Variants in BTBD9 observed in about 807,000 individuals in gnomAD.
The protein encoded by BTBD9 is BTB/POZ domain-containing protein 9.
A neutral mutation model predicts 64.3 loss-of-function variants in BTBD9; 49 were observed. That is an observed-to-expected ratio of 0.76 (90% CI 0.61 to 0.97). The LOEUF is 0.97. BTBD9 is among the 50% of genes least tolerant of loss of function. The probability of loss-of-function intolerance (pLI) is 0.00; values close to 1 mark genes in which losing one functional copy is unlikely to be tolerated. For missense variants in BTBD9, 598 were observed against 762.1 expected, an observed-to-expected ratio of 0.78 and a Z score of 2.53; for synonymous variants, 260 against 274.7, an observed-to-expected ratio of 0.95 and a Z score of 0.53.
intron 7 of BTBD9, among the ~76,000 whole-genome samples, chr6:38,298,987 C>T (rs1055825641): frequency 3.3e-5 from 5 of 151,962 alleles, no homozygotes; most frequent in African/African-American, 4.8e-5. Flanking sequence ...GGTATACCTC[C>T]GAATGCTATC....
intron 8 of BTBD9, among the ~76,000 whole-genome samples, chr6:38,273,088 A>G (rs1282577641): frequency 6.6e-6 from 1 of 152,208 alleles, no homozygotes; most frequent in East Asian, 1.9e-4. Flanking sequence ...CAAAGGGTGT[A>G]TAGGACATGG....
At chr6:38,474,485 T>C (rs989556068) in intron 6 of BTBD9, among the ~76,000 whole-genome samples, 1 of 151,730 alleles carries the variant, frequency 6.6e-6, no homozygotes, top group Non-Finnish European at 1.5e-5. Flanking sequence ...ATGGCACCAC[T>C]GCACTACAGC....
At position 38,495,953 on chromosome 6, in the gene BTBD9, C is replaced by A. The variant is rs6458057; in HGVS notation, c.1154+81647G>T. ...GTAAGAAATGGTATGGGAGTCATAT[C>A]AGAATCCTTTGGAGAGAAGAGATGG... On this transcript the variant is annotated intron_variant, in intron 6 of 10. Coordinates refer to ENST00000481247, the MANE Select transcript of BTBD9 (RefSeq NM_001099272.2). Among the ~76,000 whole-genome samples the A allele has an allele frequency of 4.5e-3, 679 of 152,278 alleles. 3 individuals are homozygous for A. The highest frequency in any genetic ancestry group is 0.015 in the African/African-American group (639 of 41,544).
chr6:38,553,540 A>G (rs1319838199), intron 6 of BTBD9, among the ~76,000 whole-genome samples: 1 of 152,196 alleles, frequency 6.6e-6, no homozygotes, highest in Non-Finnish European at 1.5e-5. Context: ...ACCTCTCTAA[A>G]AGATCAAGAG....
At chr6:38,500,056 T>C (rs1011950049) in intron 6 of BTBD9, among the ~76,000 whole-genome samples, 51 of 152,172 alleles carry the variant, frequency 3.4e-4, no homozygotes, top group Non-Finnish European at 6.5e-4. Context: ...TCTGCTAACC[T>C]TCCCCTCACA....
At chr6:38,263,373 C>T (rs1261300282) in intron 8 of BTBD9, among the ~76,000 whole-genome samples, 3 of 152,182 alleles carry the variant, frequency 2.0e-5, no homozygotes, top group Admixed American at 2.0e-4. Context: ...ATAGCATATG[C>T]AGAGGTTTTT....
intron 6 of BTBD9, among the ~76,000 whole-genome samples, chr6:38,567,969 A>G (rs1221834707): frequency 1.3e-5 from 2 of 152,212 alleles, no homozygotes; most frequent in African/African-American, 2.4e-5. Flanking sequence ...CAGGGATTTT[A>G]GAGAGCTAAA....
rs140646064 is a variant in BTBD9 at position 38,527,834 on chromosome 6, T to C, written c.1154+49766A>G. Reference sequence around the variant, plus strand: ...TTTTTTTAATCATGACAAATCACTCTCATGAAAATCAGAAATAGGAAGGCA... The same window carrying C: ...TTTTTTTAATCATGACAAATCACTCCCATGAAAATCAGAAATAGGAAGGCA... On this transcript the variant is annotated intron_variant, in intron 6 of 10. Coordinates refer to ENST00000481247, the MANE Select transcript of BTBD9 (RefSeq NM_001099272.2). Among the ~76,000 whole-genome samples, 972 of 150,424 alleles carry C rather than the reference T, an allele frequency of 6.5e-3. 3 individuals carry two copies. The highest frequency in any genetic ancestry group is 0.011 in the Non-Finnish European group (761 of 67,956).
intron 6 of BTBD9, among the ~76,000 whole-genome samples, chr6:38,483,332 T>C (rs1771249345): frequency 1.3e-5 from 2 of 151,910 alleles, no homozygotes; most frequent in African/African-American, 2.4e-5. Flanking sequence ...CCCCTCCTCA[T>C]ACCGAAAGAC....
chr6:38,525,331 C>T (rs1045632965), intron 6 of BTBD9, among the ~76,000 whole-genome samples: 3 of 152,192 alleles, frequency 2.0e-5, no homozygotes, highest in Non-Finnish European at 4.4e-5. Flanking sequence ...TTTCCTGAGG[C>T]CTCCCCAGCC....
In BTBD9 at chr6:38,498,797, C is replaced by T. The variant is rs536649563; in HGVS notation, c.1154+78803G>A. 3.3e-5 allele frequency among the ~76,000 whole-genome samples: 5 copies of T among 152,302 alleles called. No homozygotes were observed. The South Asian group carries it at 1.0e-3, about 32-fold the overall frequency. On this transcript the variant is annotated intron_variant, in intron 6 of 10. Transcript: ENST00000481247. ...TACTTTGGTAACCCCCCACGCCCCA[C>T]CCCAGTTGATACTGAGGCAGACCTC...
At chr6:38,245,574 A>G (rs1225532979) in intron 9 of BTBD9, among the ~76,000 whole-genome samples, 1 of 152,216 alleles carries the variant, frequency 6.6e-6, no homozygotes, top group African/African-American at 2.4e-5. Context: ...TAGGCCACGC[A>G]AAGAATTCTG....
intron 6 of BTBD9, chr6:38,504,594 TG>T (rs1562271963): frequency 2.2e-6 from 1 of 456,652 alleles, no homozygotes; most frequent in Non-Finnish European, 4.4e-6. Context: ...TTTTAGGCTT[TG>T]GGGGAAGTTA....
chr6:38,382,130 G>A (rs930876483), intron 6 of BTBD9, among the ~76,000 whole-genome samples: 1 of 152,154 alleles, frequency 6.6e-6, no homozygotes, highest in African/African-American at 2.4e-5. Context: ...GAAGAAGGAA[G>A]CTGCTGCAGT....
At chr6:38,592,932 G>C in intron 3 of BTBD9, 92 bp from the exon 4 acceptor site, 1 of 1,318,718 alleles carries the variant, frequency 7.6e-7, no homozygotes, top group Non-Finnish European at 1.0e-6. Context: ...GTATAACTTA[G>C]CCAATTAACT....
At chr6:38,225,832 C>G (rs1225997252) in intron 9 of BTBD9, among the ~76,000 whole-genome samples, 2 of 152,196 alleles carry the variant, frequency 1.3e-5, no homozygotes, top group Non-Finnish European at 2.9e-5. Context: ...CTAATGACAT[C>G]TGATGTTTGT....
chr6:38,469,907 C>T (rs948005884), intron 6 of BTBD9, among the ~76,000 whole-genome samples: 3 of 152,220 alleles, frequency 2.0e-5, no homozygotes, highest in Admixed American at 1.3e-4. Context: ...TATTGTAATA[C>T]GTAATTCAAA....
chr6:38,247,382 A>C (rs1030500847), intron 9 of BTBD9, among the ~76,000 whole-genome samples: 3 of 152,370 alleles, frequency 2.0e-5, no homozygotes, highest in Admixed American at 2.0e-4. Context: ...ACTAAGTGGC[A>C]GTGCATTCAG....
chr6:38,431,459 T>C (rs1562176760), intron 6 of BTBD9, among the ~76,000 whole-genome samples: 1 of 152,202 alleles, frequency 6.6e-6, no homozygotes. Context: ...AAATAATTTG[T>C]TCAATATTCC....
Sources: gnomAD v4.1 joint callset for allele counts (sites outside exome capture counted in the v4.1 genomes callset) on GRCh38, gnomAD v4.1.1 for gene constraint, MANE v1.5 for transcripts, NCBI Gene and HGNC (gene_info 2026-07-23, HGNC 2026-07-21) for gene names.